Variants in SIRPG observed in about 807,000 individuals in gnomAD.
The protein encoded by SIRPG is signal regulatory protein gamma, also known as signal-regulatory protein gamma.
Under a neutral mutation model 35.7 loss-of-function variants are expected in SIRPG, and 38 were observed. The ratio of observed to expected loss-of-function variants is 1.06; its 90% CI spans 0.82 to 1.40. The LOEUF (loss-of-function observed/expected upper bound fraction) is 1.40, where lower values mean the gene tolerates loss of function less well. Ranked by LOEUF, SIRPG falls within the 40% of genes most tolerant of loss-of-function variation. SIRPG has a pLI of 0.00. For missense variants in SIRPG, 519 were observed against 483.0 expected (o/e 1.07, Z -0.70); for synonymous variants, 215 against 190.4 (o/e 1.13, Z -1.06).
rs6034239 is a variant in SIRPG at position 1,635,491 on chromosome 20, G to C, written c.857C>G (p.Ser286Trp). 9 of 1,613,868 alleles carry C rather than the reference G, an allele frequency of 5.6e-6. No individual in the cohort carries two copies. The East Asian group carries it at 8.9e-5, about 16-fold the overall frequency. ...FYPQSLQLTW[S>W]ENGNVCQRET... ...TCTCTGGCACACGTTTCCATTCTCC[G>C]ACCAGGTCAGCTGTAGGCTCTGGGG... The change falls in exon 4 of 6, where the codon TCG (serine) becomes TGG (tryptophan). Residue 286 changes from serine (S) to tryptophan (W), a missense_variant. Physicochemically the swap from Ser to Trp is radical, Grantham distance 177. Coordinates refer to ENST00000303415, the MANE Select transcript of SIRPG (RefSeq NM_018556.4).
chr20:1,645,467 G>A (rs555681501), intron 2 of SIRPG, among the ~76,000 whole-genome samples: 3 of 152,242 alleles, frequency 2.0e-5, no homozygotes, highest in East Asian at 3.9e-4. Flanking sequence ...TGAAAGCCAC[G>A]AGACTCCACC....
the SIRPG span, among the ~76,000 whole-genome samples, chr20:1,676,088 T>C: frequency 6.6e-6 from 1 of 152,188 alleles, no homozygotes; most frequent in South Asian, 2.1e-4. Flanking sequence ...AGCCACTTAC[T>C]CGATGTGATT....
chr20:1,652,554 A>G (rs1387844695), intron 1 of SIRPG, among the ~76,000 whole-genome samples: 1 of 152,226 alleles, frequency 6.6e-6, no homozygotes, highest in Non-Finnish European at 1.5e-5. Flanking sequence ...TACAAATGAC[A>G]GACAAACAAT....
the SIRPG span, among the ~76,000 whole-genome samples, chr20:1,673,840 G>T: frequency 1.3e-5 from 2 of 152,194 alleles, no homozygotes; most frequent in Admixed American, 6.5e-5. Flanking sequence ...GGAGGCTCCT[G>T]GGGCTGAGGA....
intron 2 of SIRPG, among the ~76,000 whole-genome samples, chr20:1,641,718 T>C (rs768510024): frequency 1.3e-5 from 2 of 152,196 alleles, no homozygotes; most frequent in Non-Finnish European, 2.9e-5. Context: ...AGCTTTCTGA[T>C]GTGGGCATTT....
At chr20:1,661,163 A>T (rs1484353203), upstream of SIRPG, among the ~76,000 whole-genome samples, 8 of 152,194 alleles carry the variant, frequency 5.3e-5, no homozygotes, top group Non-Finnish European at 1.5e-5. Context: ...ATTTTAAAAA[A>T]CAGATCCTCT....
chr20:1,660,501 CA>C (rs952612017), upstream of SIRPG, among the ~76,000 whole-genome samples: 24 of 152,202 alleles, frequency 1.6e-4, no homozygotes, highest in African/African-American at 5.8e-4. Flanking sequence ...GTATATGACT[CA>C]AAAATGCATA....
At chr20:1,684,128 AT>A in the SIRPG span, among the ~76,000 whole-genome samples, 1 of 152,206 alleles carries the variant, frequency 6.6e-6, no homozygotes, top group South Asian at 2.1e-4. Flanking sequence ...AGTGAATAAC[AT>A]GAATTGTATT....
At chr20:1,678,179 C>G in the SIRPG span, among the ~76,000 whole-genome samples, 3 of 152,136 alleles carry the variant, frequency 2.0e-5, no homozygotes, top group Non-Finnish European at 2.9e-5. Flanking sequence ...GGCTTGCATC[C>G]TCACATGTGC....
chr20:1,634,416 C>T (rs1016540265), intron 4 of SIRPG, among the ~76,000 whole-genome samples: 2 of 151,724 alleles, frequency 1.3e-5, no homozygotes, highest in African/African-American at 4.8e-5. Context: ...ACCGTGTTAA[C>T]CAGGATGGTC....
In SIRPG at chr20:1,636,305, C is replaced by T; in HGVS notation, c.631G>A (p.Ala211Thr). The change falls in exon 3 of 6, where the codon GCC becomes ACC. Residue 211 changes from alanine (A) to threonine (T), a missense_variant. By Grantham distance (58) the Ala-to-Thr change is moderately conservative. Transcript: ENST00000303415. ...QSVAYSIRST[A>T]RVVLDPWDVR... The stretch of plus-strand genomic sequence containing the variant: ...TCCCAGGGGTCCAGTACCACCCTGG[C>T]TGTGCTGCGGATGCTGTAGGCCACA... 6.2e-7 allele frequency: 1 copy of T among 1,614,242 alleles called. No individual in the cohort carries two copies. Among genetic ancestry groups the T allele is most frequent in the Non-Finnish European group, 8.5e-7 (1 of 1,180,038 alleles).
At chr20:1,659,302 T>A (rs983446892), upstream of SIRPG, among the ~76,000 whole-genome samples, 3 of 152,246 alleles carry the variant, frequency 2.0e-5, no homozygotes, top group Admixed American at 1.3e-4. Flanking sequence ...TGAATAATTG[T>A]CAAATCAAAT....
chr20:1,681,231 C>G, the SIRPG span, among the ~76,000 whole-genome samples: 1 of 152,102 alleles, frequency 6.6e-6, no homozygotes, highest in Non-Finnish European at 1.5e-5. Context: ...CATACCACAC[C>G]CCTGCACACA....
the SIRPG span, among the ~76,000 whole-genome samples, chr20:1,684,458 T>C: frequency 3.5e-4 from 54 of 152,318 alleles, no homozygotes; most frequent in African/African-American, 1.1e-3. Context: ...AAAAGTTTGT[T>C]CTGTCCTTAT....
intron 4 of SIRPG, among the ~76,000 whole-genome samples, chr20:1,634,878 C>G (rs1012761733): frequency 2.6e-4 from 40 of 151,814 alleles, no homozygotes; most frequent in African/African-American, 9.2e-4. Flanking sequence ...CCCATCTCTA[C>G]TAAAAATACA....
At chr20:1,635,872 G>A (rs1274270381) in intron 3 of SIRPG, among the ~76,000 whole-genome samples, 1 of 152,210 alleles carries the variant, frequency 6.6e-6, no homozygotes, top group African/African-American at 2.4e-5. Flanking sequence ...CAGTTGGAAT[G>A]TAAGAACTGT....
At chr20:1,639,926 G>T (rs1173369382) in intron 2 of SIRPG, among the ~76,000 whole-genome samples, 1 of 152,136 alleles carries the variant, frequency 6.6e-6, no homozygotes, top group Non-Finnish European at 1.5e-5. Context: ...AGATCAGATG[G>T]TTGTAAATGT....
upstream of SIRPG, among the ~76,000 whole-genome samples, chr20:1,659,396 C>T (rs1254838185): frequency 6.6e-6 from 1 of 152,262 alleles, no homozygotes; most frequent in East Asian, 1.9e-4. Context: ...TCCTTCTCCA[C>T]ACCCACAGTA....
the SIRPG span, among the ~76,000 whole-genome samples, chr20:1,686,141 C>T: frequency 6.6e-6 from 1 of 152,158 alleles, no homozygotes; most frequent in Non-Finnish European, 1.5e-5. Context: ...CACCTGATTC[C>T]ATCCCTTGGT....
Sources: allele counts gnomAD v4.1 joint callset (sites outside exome capture counted in the v4.1 genomes callset), GRCh38; gene constraint gnomAD v4.1.1; transcripts MANE v1.5; gene names NCBI Gene and HGNC (gene_info 2026-07-23, HGNC 2026-07-21).